PCDH9: variants seen among roughly 807,000 people sequenced by gnomAD.
PCDH9 encodes protocadherin-9.
A neutral mutation model predicts 70.6 loss-of-function variants in PCDH9; 24 were observed. That is an observed-to-expected ratio of 0.34 (90% CI 0.25 to 0.48). PCDH9 has a LOEUF of 0.48. Among genes scored for constraint, PCDH9 ranks in the 20% least tolerant of loss-of-function variants. PCDH9 has a pLI of 0.99. For synonymous variants in PCDH9, 562 were observed against 558.5 expected (o/e 1.01, Z -0.09); for missense variants, 1,281 against 1,503.6 (o/e 0.85, Z 2.45).
chr13:66,413,472 G>T (rs1957406857), intron 4 of PCDH9, among the ~76,000 whole-genome samples: 1 of 152,050 alleles, frequency 6.6e-6, no homozygotes, highest in Non-Finnish European at 1.5e-5. Context: ...AAATCATGAG[G>T]TCAGGAGATC....
chr13:66,805,489 G>T (rs946825409), intron 3 of PCDH9, among the ~76,000 whole-genome samples: 4 of 152,130 alleles, frequency 2.6e-5, no homozygotes, highest in Non-Finnish European at 5.9e-5. Flanking sequence ...TAGAAAATTA[G>T]AAATATGGAT....
chr13:66,948,770 C>G (rs1020720861), intron 2 of PCDH9, among the ~76,000 whole-genome samples: 1 of 152,032 alleles, frequency 6.6e-6, no homozygotes, highest in Non-Finnish European at 1.5e-5. Context: ...AAATGAAGAC[C>G]AAGTTTTTCA....
At chr13:66,341,896 T>C (rs1956132904) in intron 4 of PCDH9, among the ~76,000 whole-genome samples, 1 of 152,176 alleles carries the variant, frequency 6.6e-6, no homozygotes. Flanking sequence ...TGTACTTACG[T>C]GCACTTTGCT....
At chr13:66,677,682 C>T (rs1472429314) in intron 3 of PCDH9, among the ~76,000 whole-genome samples, 1 of 152,116 alleles carries the variant, frequency 6.6e-6, no homozygotes, top group Non-Finnish European at 1.5e-5. Flanking sequence ...TGATGTGCCT[C>T]TTCTCCCCTC....
chr13:66,541,693 TCTTAACCAATTA>T (rs2138658624), intron 4 of PCDH9, among the ~76,000 whole-genome samples: 1 of 152,242 alleles, frequency 6.6e-6, no homozygotes, highest in African/African-American at 2.4e-5. Flanking sequence ...TGTAACCTCA[TCTTAACCAATTA>T]CTTCTGCAAA....
intron 3 of PCDH9, among the ~76,000 whole-genome samples, chr13:66,867,178 A>T (rs1227790100): frequency 6.6e-6 from 1 of 152,140 alleles, no homozygotes; most frequent in East Asian, 1.9e-4. Flanking sequence ...GGTCCTAAGG[A>T]TCCATTGCAA....
chr13:66,646,671 C>T (rs964381), intron 3 of PCDH9, among the ~76,000 whole-genome samples: 7,300 of 152,160 alleles, frequency 0.048, 339 homozygotes, highest in African/African-American at 0.12. Flanking sequence ...CTTCACCAAT[C>T]GTCTTCTACA....
rs372734920 is a variant in PCDH9, at chr13:67,140,144, A to C, written c.3036+85261T>G. Among the ~76,000 whole-genome samples, 41 of 151,054 alleles carry C rather than the reference A, an allele frequency of 2.7e-4. 1 individual carries two copies. Among genetic ancestry groups the C allele is most frequent in the African/African-American group, 1.0e-3 (41 of 41,184 alleles). On this transcript the variant is annotated intron_variant, in intron 2 of 4. Coordinates refer to ENST00000377865, the MANE Select transcript of PCDH9 (RefSeq NM_203487.3). ...CATCAGCGGCTACTTATTTATGACA[A>C]GAACACTTTTAGTCAATTATTGTCT...
chr13:66,658,057 G>A (rs1483636715), intron 3 of PCDH9, among the ~76,000 whole-genome samples: 2 of 152,118 alleles, frequency 1.3e-5, no homozygotes, highest in African/African-American at 4.8e-5. Flanking sequence ...AATATGGGAG[G>A]ATATGCCTAG....
At chr13:66,387,603 C>T (rs533758543) in intron 4 of PCDH9, among the ~76,000 whole-genome samples, 2 of 151,652 alleles carry the variant, frequency 1.3e-5, no homozygotes, top group African/African-American at 2.4e-5. Context: ...TCCTTCCTTC[C>T]TCTTGCCCTG....
chr13:66,441,944 T>C (rs530967249), intron 4 of PCDH9, among the ~76,000 whole-genome samples: 26 of 152,282 alleles, frequency 1.7e-4, no homozygotes, highest in South Asian at 8.3e-4. Flanking sequence ...TTCCAAGTTA[T>C]GTACGCAAAT....
At chr13:66,822,654 TA>T (rs1277851753) in intron 3 of PCDH9, among the ~76,000 whole-genome samples, 1 of 151,934 alleles carries the variant, frequency 6.6e-6, no homozygotes, top group East Asian at 1.9e-4. Context: ...GGCTCCCAAG[TA>T]GCTGGGATTA....
At chr13:67,156,661 C>A (rs1477936435) in intron 2 of PCDH9, among the ~76,000 whole-genome samples, 2 of 152,134 alleles carry the variant, frequency 1.3e-5, no homozygotes, top group African/African-American at 4.8e-5. Context: ...TACACAAAGG[C>A]GAGAAACCCC....
At chr13:66,480,970 C>T (rs1396972988) in intron 4 of PCDH9, among the ~76,000 whole-genome samples, 3 of 152,130 alleles carry the variant, frequency 2.0e-5, no homozygotes, top group Non-Finnish European at 1.5e-5. Flanking sequence ...CCATGGAATA[C>T]TGTGCAGCCA....
At chr13:66,972,566 ATC>A (rs2083544110) in intron 2 of PCDH9, among the ~76,000 whole-genome samples, 1 of 151,918 alleles carries the variant, frequency 6.6e-6, no homozygotes, top group Non-Finnish European at 1.5e-5. Context: ...CACCAAGCAT[ATC>A]TGTGATTTTT....
Position 67,167,572 on chromosome 13 carries a change from C to A in PCDH9, c.3036+57833G>T, listed in dbSNP as rs182500791. On this transcript the variant is annotated intron_variant, in intron 2 of 4. Transcript: ENST00000377865. ...TAACTCATTTGCTTTAAGTCAATAT[C>A]TTTTTCTTTACAGTGTTGACATTCC... Among the ~76,000 whole-genome samples, 432 of 152,152 alleles carry A rather than the reference C, an allele frequency of 2.8e-3. 1 individual carries two copies. Among genetic ancestry groups the A allele is most frequent in the African/African-American group, 9.9e-3 (412 of 41,530 alleles).
In PCDH9 at chr13:66,729,671, C is replaced by T. The variant is rs780527918; in HGVS notation, c.3139-98260G>A. On this transcript the variant is annotated intron_variant, in intron 3 of 4. Transcript: ENST00000377865. Reference sequence around the variant, plus strand: ...TTATTCTAGTTAGCAGCTTACATTGCTATTGTTGCTCCTTCTGTGTGAGAA... The same window carrying T: ...TTATTCTAGTTAGCAGCTTACATTGTTATTGTTGCTCCTTCTGTGTGAGAA... 1.3e-4 allele frequency among the ~76,000 whole-genome samples: 20 copies of T among 152,140 alleles called. 1 individual carries two copies. The highest frequency in any genetic ancestry group is 1.2e-3 in the Admixed American group (18 of 15,270).
intron 4 of PCDH9, among the ~76,000 whole-genome samples, chr13:66,392,971 T>C (rs1222970292): frequency 6.6e-6 from 1 of 152,026 alleles, no homozygotes. Context: ...TAAACAACAT[T>C]GATAGCTTTT....
intron 2 of PCDH9, among the ~76,000 whole-genome samples, chr13:66,980,738 T>TTTG (rs1555293468): frequency 6.4e-5 from 9 of 139,964 alleles, no homozygotes; most frequent in African/African-American, 2.4e-4. Context: ...TTGTTTTTTT[T>TTTG]TTTGTTTTTT....
Sources: gnomAD v4.1 joint callset for allele counts (sites outside exome capture counted in the v4.1 genomes callset) on GRCh38, gnomAD v4.1.1 for gene constraint, MANE v1.5 for transcripts, NCBI Gene and HGNC (gene_info 2026-07-23, HGNC 2026-07-21) for gene names.